TMEM132B: variants seen among roughly 807,000 people sequenced by gnomAD.
The protein encoded by TMEM132B is transmembrane protein 132B.
A neutral mutation model predicts 90.8 loss-of-function variants in TMEM132B; 18 were observed. The ratio of observed to expected loss-of-function variants is 0.20; its 90% CI spans 0.14 to 0.29. The LOEUF is 0.29. Ranked by LOEUF, TMEM132B falls within the 10% of genes least tolerant of loss-of-function variation. The pLI, the probability that TMEM132B is intolerant of heterozygous loss-of-function variation, is 1.00. For synonymous variants in TMEM132B, 504 were observed against 523.3 expected (o/e 0.96, Z 0.50); for missense variants, 1,096 against 1,326.8 (o/e 0.83, Z 2.70).
chr12:125,313,526 AC>A (rs1157914119), intron 1 of TMEM132B, among the ~76,000 whole-genome samples: 2 of 17,448 alleles, frequency 1.1e-4, no homozygotes, highest in African/African-American at 2.6e-4. Flanking sequence ...TTCATTTCCC[AC>A]CCCCTCCCAT....
At chr12:125,379,451 C>T (rs1211330688) in intron 2 of TMEM132B, among the ~76,000 whole-genome samples, 1 of 152,192 alleles carries the variant, frequency 6.6e-6, no homozygotes, top group Non-Finnish European at 1.5e-5. Flanking sequence ...AACCAACCAA[C>T]AAGCAACAGC....
At chr12:125,636,724 C>A (rs781647298) in intron 5 of TMEM132B, among the ~76,000 whole-genome samples, 1 of 152,134 alleles carries the variant, frequency 6.6e-6, no homozygotes, top group African/African-American at 2.4e-5. Context: ...TTGTCCCATA[C>A]GGGAAATAGA....
At position 125,458,741 on chromosome 12, in the gene TMEM132B, T is replaced by G. The variant is rs1033052033; in HGVS notation, c.1106+43064T>G. ...TGCACTGCTGTCACACTGGGTGGTG[T>G]TGTCAGGGTGACTCACGTGGACACT... On this transcript the variant is annotated intron_variant, in intron 3 of 8. Transcript: ENST00000682704. The surrounding 1 kb of genome is among the most constrained non-coding windows in gnomAD (Gnocchi z 4.9). Among the ~76,000 whole-genome samples, 3 of 152,146 alleles carry G rather than the reference T, an allele frequency of 2.0e-5. No individual in the cohort carries two copies. The highest frequency in any genetic ancestry group is 2.9e-5 in the Non-Finnish European group (2 of 68,018).
chr12:125,608,891 C>T (rs1566088181), intron 5 of TMEM132B, among the ~76,000 whole-genome samples: 1 of 151,986 alleles, frequency 6.6e-6, no homozygotes, highest in Non-Finnish European at 1.5e-5. Flanking sequence ...TTAGTCTGTT[C>T]TCATGCTGCT....
chr12:125,334,447 T>A (rs1463777775), intron 1 of TMEM132B, among the ~76,000 whole-genome samples: 1 of 152,206 alleles, frequency 6.6e-6, no homozygotes, highest in Non-Finnish European at 1.5e-5. Flanking sequence ...GTGCCTTCCT[T>A]TTCAGCGGTT....
intron 3 of TMEM132B, among the ~76,000 whole-genome samples, chr12:125,429,923 C>A (rs552606402): frequency 1.3e-5 from 2 of 152,174 alleles, no homozygotes; most frequent in East Asian, 3.8e-4. Flanking sequence ...GTGCAGCCCA[C>A]GCTGAAGGGG....
chr12:125,552,624 T>C (rs1884264104), intron 4 of TMEM132B, among the ~76,000 whole-genome samples: 1 of 152,222 alleles, frequency 6.6e-6, no homozygotes, highest in South Asian at 2.1e-4. Flanking sequence ...CAGAAGGGGC[T>C]ACTTCCATTT....
At chr12:125,261,099 G>A (rs1392238749) in intron 1 of TMEM132B, among the ~76,000 whole-genome samples, 1 of 152,194 alleles carries the variant, frequency 6.6e-6, no homozygotes, top group Non-Finnish European at 1.5e-5. Flanking sequence ...CTTTTCCAGT[G>A]CAATGAAACT....
At chr12:125,283,130 G>T (rs1875246953) in intron 1 of TMEM132B, among the ~76,000 whole-genome samples, 1 of 152,112 alleles carries the variant, frequency 6.6e-6, no homozygotes, top group Admixed American at 6.6e-5. Context: ...TTTAACATGA[G>T]CCCCCTTTTA....
intron 1 of TMEM132B, among the ~76,000 whole-genome samples, chr12:125,273,109 A>G (rs1464805475): frequency 6.6e-6 from 1 of 152,236 alleles, no homozygotes; most frequent in African/African-American, 2.4e-5. Context: ...ATGAATAGCC[A>G]TGTACCTACT....
intron 1 of TMEM132B, among the ~76,000 whole-genome samples, chr12:125,254,985 G>T (rs897997197): frequency 6.6e-6 from 1 of 152,046 alleles, no homozygotes; most frequent in Non-Finnish European, 1.5e-5. Context: ...GTGCCCGGCC[G>T]CCTCTTCCTA....
intron 1 of TMEM132B, among the ~76,000 whole-genome samples, chr12:125,227,567 A>G (rs1298984260): frequency 9.9e-5 from 15 of 152,116 alleles, no homozygotes; most frequent in Admixed American, 9.2e-4. Flanking sequence ...CTTGAGTCCA[A>G]GAGGGGTGGG....
intron 3 of TMEM132B, among the ~76,000 whole-genome samples, chr12:125,505,102 G>A (rs1204676742): frequency 1.4e-5 from 2 of 141,368 alleles, no homozygotes; most frequent in Admixed American, 1.5e-4. Context: ...ACAGTGTCCA[G>A]GACGTGATCC....
At chr12:125,388,271 T>C (rs1295943764) in intron 2 of TMEM132B, among the ~76,000 whole-genome samples, 8 of 151,966 alleles carry the variant, frequency 5.3e-5, no homozygotes, top group African/African-American at 1.9e-4. Context: ...CTACTAAAAA[T>C]ACACAAAAGT....
intron 1 of TMEM132B, among the ~76,000 whole-genome samples, chr12:125,338,493 T>C (rs1337311745): frequency 6.6e-6 from 1 of 152,218 alleles, no homozygotes; most frequent in Non-Finnish European, 1.5e-5. Context: ...TTCTGGTTTT[T>C]CCTGAGGATG....
At chr12:125,317,299 G>A (rs566680382) in intron 1 of TMEM132B, among the ~76,000 whole-genome samples, 1 of 152,254 alleles carries the variant, frequency 6.6e-6, no homozygotes, top group Admixed American at 6.5e-5. Flanking sequence ...GTGACTATTA[G>A]GCACGATTGT....
chr12:125,598,410 C>T (rs1039880961), intron 5 of TMEM132B, among the ~76,000 whole-genome samples: 6 of 152,098 alleles, frequency 3.9e-5, no homozygotes, highest in Non-Finnish European at 5.9e-5. Flanking sequence ...GTGAGACAAT[C>T]GAGGCAGCAA....
chr12:125,453,241 A>G (rs532347822), intron 3 of TMEM132B, among the ~76,000 whole-genome samples: 9 of 152,284 alleles, frequency 5.9e-5, no homozygotes, highest in African/African-American at 2.2e-4. Flanking sequence ...TGTAGACTGC[A>G]AAAGGAGTTG....
chr12:125,647,980 G>A (rs1029118557), intron 6 of TMEM132B, among the ~76,000 whole-genome samples: 1 of 146,980 alleles, frequency 6.8e-6, no homozygotes, highest in African/African-American at 2.5e-5. Flanking sequence ...GTATACATGT[G>A]CCATGCTGGT....
Sources: allele counts gnomAD v4.1 joint callset (sites outside exome capture counted in the v4.1 genomes callset), GRCh38; gene constraint gnomAD v4.1.1; non-coding constraint Gnocchi (gnomAD v3.1); transcripts MANE v1.5; gene names NCBI Gene and HGNC (gene_info 2026-07-23, HGNC 2026-07-21).